Variants in ABCA1 observed in about 807,000 individuals in gnomAD.
The protein encoded by ABCA1 is phospholipid-transporting ATPase ABCA1.
In ABCA1, 133 loss-of-function variants were observed where a neutral mutation model predicts 262.5. The observed-to-expected ratio is 0.51, with a 90% confidence interval of 0.44 to 0.59. The LOEUF is 0.59. Among genes scored for constraint, ABCA1 ranks in the 20% least tolerant of loss-of-function variants. The pLI, the probability that ABCA1 is intolerant of heterozygous loss-of-function variation, is 0.00. For synonymous variants in ABCA1, 1,022 were observed against 1,043.5 expected, an observed-to-expected ratio of 0.98 and a Z score of 0.40; for missense variants, 2,452 against 2,777.5, an observed-to-expected ratio of 0.88 and a Z score of 2.63.
At chr9:104,845,668 T>A in intron 7 of ABCA1, 99 bp from the exon 8 acceptor site, 1 of 860,544 alleles carries the variant, frequency 1.2e-6, no homozygotes, top group East Asian at 2.6e-5. Flanking sequence ...CAATCTTGAG[T>A]TTAACAAACA....
At position 104,793,044 on chromosome 9, in the gene ABCA1, C is replaced by T. The variant is rs537829156; in HGVS notation, c.5636+127G>A. 3.2e-5 allele frequency: 50 copies of T among 1,582,724 alleles called. No homozygotes were observed. The Admixed American group carries it at 8.4e-4, about 27-fold the overall frequency. ...GGAGGGGGCTGCGGGATGCCCACAT[C>T]AGGAAAATCAGTTTTATCACATATT... On this transcript the variant is annotated intron_variant, in intron 41 of 49. Coordinates refer to ENST00000374736, the MANE Select transcript of ABCA1 (RefSeq NM_005502.4).
chr9:104,880,392 C>T (rs1326325125), intron 5 of ABCA1, among the ~76,000 whole-genome samples: 1 of 151,212 alleles, frequency 6.6e-6, no homozygotes, highest in South Asian at 2.1e-4. Context: ...CCCAGCCCTT[C>T]GGGAGGCTAA....
intron 7 of ABCA1, 114 bp downstream of exon 7, chr9:104,858,408 A>C: frequency 8.5e-7 from 1 of 1,183,346 alleles, no homozygotes; most frequent in Non-Finnish European, 1.3e-6. Context: ...ATTATATCAC[A>C]AACTCCCAGC....
intron 5 of ABCA1, 55 bp from the exon 6 acceptor site, chr9:104,861,855 A>C: frequency 2.0e-6 from 3 of 1,530,922 alleles, no homozygotes; most frequent in Non-Finnish European, 1.8e-6. Flanking sequence ...AAAAAAAAAA[A>C]AAGTGGGCAC....
At position 104,829,154 on chromosome 9, in the gene ABCA1, A is replaced by T. The variant is rs1244067115; in HGVS notation, c.1893-16T>A. 2 of 1,613,934 alleles carry T rather than the reference A, an allele frequency of 1.2e-6. No homozygotes were observed. ...CCGCAGAAAGCTGGAGGCCCCAAGG[A>T]AGGACAAGGGGAGAAAGAAAGACAC... On this transcript the variant is annotated splice_polypyrimidine_tract_variant and intron_variant, in intron 14 of 49. Coordinates refer to ENST00000374736, the MANE Select transcript of ABCA1 (RefSeq NM_005502.4).
chr9:104,804,198 C>G (rs1279437873), intron 32 of ABCA1, among the ~76,000 whole-genome samples: 1 of 152,168 alleles, frequency 6.6e-6, no homozygotes, highest in Non-Finnish European at 1.5e-5. Flanking sequence ...CCAGAGCTCC[C>G]TCCATGAGAC....
At chr9:104,907,830 C>T (rs527392440) in intron 1 of ABCA1, among the ~76,000 whole-genome samples, 1 of 152,368 alleles carries the variant, frequency 6.6e-6, no homozygotes, top group African/African-American at 2.4e-5. Flanking sequence ...AAGCCCGAGG[C>T]GTACGCTCTC....
At chr9:104,875,981 A>G (rs1447601000) in intron 5 of ABCA1, among the ~76,000 whole-genome samples, 1 of 152,206 alleles carries the variant, frequency 6.6e-6, no homozygotes, top group Non-Finnish European at 1.5e-5. Flanking sequence ...CTGGGCTTCT[A>G]GAGTTAAAAG....
At chr9:104,883,211 C>T in intron 4 of ABCA1, 54 bp from the exon 5 acceptor site, 1 of 1,469,744 alleles carries the variant, frequency 6.8e-7, no homozygotes, top group Non-Finnish European at 9.5e-7. Context: ...ACTGCCTCTG[C>T]TGCTTTACAG....
chr9:104,886,203 T>A (rs1839157980), intron 3 of ABCA1, among the ~76,000 whole-genome samples: 1 of 151,886 alleles, frequency 6.6e-6, no homozygotes, highest in African/African-American at 2.4e-5. Flanking sequence ...ACTCCTTCCA[T>A]CTCACAGCTA....
chr9:104,812,553 G>C, intron 28 of ABCA1, 21 bp downstream of exon 28: 1 of 1,614,048 alleles, frequency 6.2e-7, no homozygotes, highest in Non-Finnish European at 8.5e-7. Context: ...CAGAGTCTCT[G>C]GCGAAAACAG....
At chr9:104,897,795 G>T (rs1400808788) in intron 2 of ABCA1, among the ~76,000 whole-genome samples, 1 of 152,158 alleles carries the variant, frequency 6.6e-6, no homozygotes. Flanking sequence ...GTAGAGATGG[G>T]TGTCACCACA....
chr9:104,843,555 T>C (rs1834575687), intron 8 of ABCA1, among the ~76,000 whole-genome samples: 2 of 152,166 alleles, frequency 1.3e-5, no homozygotes, highest in Admixed American at 1.3e-4. Flanking sequence ...ATTAACTCAT[T>C]GGGTGACTGG....
intron 1 of ABCA1, among the ~76,000 whole-genome samples, chr9:104,916,197 TA>T (rs948001118): frequency 1.5e-4 from 22 of 149,514 alleles, no homozygotes; most frequent in Admixed American, 4.7e-4. Context: ...ATCATTAAAG[TA>T]AAAAAAAAAT....
chr9:104,904,838 C>T (rs973403939), intron 1 of ABCA1, among the ~76,000 whole-genome samples: 11 of 152,194 alleles, frequency 7.2e-5, no homozygotes, highest in African/African-American at 2.7e-4. Context: ...GTTCCACCTG[C>T]ACCTGAACAC....
chr9:104,826,383 G>A (rs1832813910), intron 16 of ABCA1, among the ~76,000 whole-genome samples: 1 of 152,056 alleles, frequency 6.6e-6, no homozygotes, highest in South Asian at 2.1e-4. Flanking sequence ...GCACTTGTAG[G>A]GGCTCACACA....
intron 22 of ABCA1, 87 bp from the exon 23 acceptor site, chr9:104,818,970 C>T (rs1832026083): frequency 1.5e-6 from 2 of 1,290,812 alleles, no homozygotes; most frequent in Admixed American, 2.0e-5. Context: ...GAGATATTAG[C>T]AGGGGTAAGC....
chr9:104,812,222 C>T (rs1402816141), intron 28 of ABCA1, among the ~76,000 whole-genome samples: 16 of 152,218 alleles, frequency 1.1e-4, no homozygotes. Context: ...TTTTTCTACA[C>T]TTTGTCCTTT....
chr9:104,895,708 G>A (rs966467001), intron 2 of ABCA1, among the ~76,000 whole-genome samples: 2 of 152,096 alleles, frequency 1.3e-5, no homozygotes, highest in Non-Finnish European at 2.9e-5. Context: ...GATGTTCACT[G>A]TCCACTTGAT....
Sources: allele counts gnomAD v4.1 joint callset (sites outside exome capture counted in the v4.1 genomes callset), GRCh38; gene constraint gnomAD v4.1.1; transcripts MANE v1.5; gene names NCBI Gene and HGNC (gene_info 2026-07-23, HGNC 2026-07-21).